SPATA18: variants seen among roughly 807,000 people sequenced by gnomAD.
SPATA18 encodes the protein mitochondria-eating protein.
Under a neutral mutation model 68.1 loss-of-function variants are expected in SPATA18, and 54 were observed. That is an observed-to-expected ratio of 0.79 (90% CI 0.64 to 0.99). The LOEUF (loss-of-function observed/expected upper bound fraction) is 0.99, where lower values mean the gene tolerates loss of function less well. Among genes scored for constraint, SPATA18 ranks in the 50% least tolerant of loss-of-function variants. The probability of loss-of-function intolerance (pLI) is 0.00; values close to 1 mark genes in which losing one functional copy is unlikely to be tolerated. For missense variants in SPATA18, 724 were observed against 681.1 expected (o/e 1.06, Z -0.70); for synonymous variants, 242 against 244.8 (o/e 0.99, Z 0.11).
At chr4:52,059,319 T>G (rs1263406746) in intron 1 of SPATA18, among the ~76,000 whole-genome samples, 5 of 152,242 alleles carry the variant, frequency 3.3e-5, no homozygotes, top group Admixed American at 3.3e-4. Context: ...GATGCCTTAT[T>G]GAGCCCTGAG....
intron 11 of SPATA18, among the ~76,000 whole-genome samples, chr4:52,085,375 A>G (rs1287544973): frequency 2.0e-5 from 3 of 152,214 alleles, no homozygotes; most frequent in Non-Finnish European, 4.4e-5. Context: ...ATGAGTTTAG[A>G]GAAATTACTC....
chr4:52,085,114 T>A (rs1741309535), intron 11 of SPATA18, 115 bp downstream of exon 11: 1 of 725,234 alleles, frequency 1.4e-6, no homozygotes, highest in Admixed American at 2.8e-5. Context: ...AAAGAGAACC[T>A]GTTGCAATAA....
chr4:52,082,572 T>C (rs764069586), intron 10 of SPATA18, 62 bp downstream of exon 10: 10 of 1,613,070 alleles, frequency 6.2e-6, no homozygotes, highest in East Asian at 2.2e-5. Context: ...TTCGAGAACA[T>C]TTATAAACCC....
chr4:52,094,194 A>G (rs576844640), intron 11 of SPATA18, among the ~76,000 whole-genome samples: 7 of 152,154 alleles, frequency 4.6e-5, no homozygotes, highest in Non-Finnish European at 8.8e-5. Flanking sequence ...TATGACTTAT[A>G]ATTTTTATAA....
At chr4:52,052,537 C>G (rs12507167) in intron 1 of SPATA18, among the ~76,000 whole-genome samples, 25 of 151,910 alleles carry the variant, frequency 1.6e-4, no homozygotes, top group Admixed American at 6.6e-4. Flanking sequence ...TCGGTCGGTC[C>G]GTCTTAAATA....
In SPATA18 at chr4:52,062,228, T is replaced by C; in HGVS notation, c.318T>C (p.Phe106=). 6.3e-7 allele frequency: 1 copy of C among 1,576,644 alleles called. No homozygotes were observed. Among genetic ancestry groups the C allele is most frequent in the Non-Finnish European group, 8.6e-7 (1 of 1,160,138 alleles). ...DSKVPSLQDT[F]DRERHKDPSP... ...TTGGTGTATCTTTCCAGGACACGTT[T>C]GATAGGGAGAGACATAAAGATCCCA... Residue 106 remains phenylalanine, a synonymous_variant, in exon 4 of 13, where the codon TTT becomes TTC. Coordinates refer to ENST00000295213, the MANE Select transcript of SPATA18 (RefSeq NM_145263.4).
At chr4:52,077,339 T>TGAA (rs1740474433) in intron 7 of SPATA18, among the ~76,000 whole-genome samples, 1 of 140,940 alleles carries the variant, frequency 7.1e-6, no homozygotes, top group African/African-American at 2.6e-5. Flanking sequence ...CCTCCCTTCC[T>TGAA]TTCTCTTTCC....
chr4:52,086,075 A>T (rs1560609127), intron 11 of SPATA18, among the ~76,000 whole-genome samples: 1 of 152,200 alleles, frequency 6.6e-6, no homozygotes, highest in Non-Finnish European at 1.5e-5. Context: ...AATAATAATT[A>T]TTTAAATATT....
chr4:52,055,948 G>C (rs1048201377), intron 1 of SPATA18, among the ~76,000 whole-genome samples: 1 of 152,168 alleles, frequency 6.6e-6, no homozygotes, highest in African/African-American at 2.4e-5. Flanking sequence ...AAAATTTCTT[G>C]AGAGTATAAA....
In SPATA18 at chr4:52,060,419, AC is replaced by A; in HGVS notation, c.89del (p.Thr30LysfsTer8). On this transcript the variant is annotated frameshift_variant and splice_region_variant, in exon 2 of 13. Transcript: ENST00000295213. LOFTEE classifies it high-confidence loss of function. The stretch of plus-strand genomic sequence containing the variant: ...GTTATCTACTGTTTTGCCCTTGCAG[AC>A]AAACACGTGTGATCAAAATCTAAAC... ...KLDFWLKEYN[T>X]NTCDQNLNHC... 2 of 1,613,838 alleles carry A rather than the reference AC, an allele frequency of 1.2e-6. No homozygotes were observed. Among genetic ancestry groups the A allele is most frequent in the South Asian group, 2.2e-5 (2 of 91,036 alleles).
chr4:52,076,551 G>T (rs369940705), intron 6 of SPATA18, among the ~76,000 whole-genome samples: 4 of 152,134 alleles, frequency 2.6e-5, no homozygotes, highest in Non-Finnish European at 5.9e-5. Flanking sequence ...TTTTAAGAAC[G>T]CATGCATTCT....
At chr4:52,089,318 T>C (rs896045912) in intron 11 of SPATA18, among the ~76,000 whole-genome samples, 9 of 152,222 alleles carry the variant, frequency 5.9e-5, no homozygotes, top group African/African-American at 2.2e-4. Context: ...ATTTCATGCC[T>C]TCTGCTAGCT....
Position 52,095,061 on chromosome 4 carries a change from A to G in SPATA18, c.*174A>G, listed in dbSNP as rs1742316857. The G allele has an allele frequency of 4.4e-6, 3 of 680,576 alleles. No individual in the cohort carries two copies. Among genetic ancestry groups the G allele is most frequent in the Non-Finnish European group, 7.7e-6 (3 of 392,128 alleles). 42.2% of individuals were successfully genotyped at this position (680,576 alleles called of 1,614,324 possible). On this transcript the variant is annotated 3_prime_UTR_variant, in exon 13 of 13. Coordinates refer to ENST00000295213, the MANE Select transcript of SPATA18 (RefSeq NM_145263.4). ...TTTGGCTTGGCGCATTTGTAACTTT[A>G]GATATATTGCATTCTATTTTATTTT...
rs564583054 is a variant in SPATA18, at chr4:52,079,233, T to G, written c.1179+340T>G. Among the ~76,000 whole-genome samples, 3 of 152,322 alleles carry G rather than the reference T, an allele frequency of 2.0e-5. No homozygotes were observed. The South Asian group carries it at 6.2e-4, about 32-fold the overall frequency. ...AGCTGTGTGATCTTACACATTTACT[T>G]AATCTCTGTATGCTTTAGTTTTCTA... On this transcript the variant is annotated intron_variant, in intron 8 of 12. Transcript: ENST00000295213.
intron 11 of SPATA18, among the ~76,000 whole-genome samples, chr4:52,089,659 T>C (rs1741762109): frequency 6.6e-6 from 1 of 152,050 alleles, no homozygotes; most frequent in South Asian, 2.1e-4. Flanking sequence ...TGTTTGTTAT[T>C]ATTTCCATAC....
At chr4:52,091,005 T>C (rs1024806452) in intron 11 of SPATA18, among the ~76,000 whole-genome samples, 1 of 152,018 alleles carries the variant, frequency 6.6e-6, no homozygotes, top group Non-Finnish European at 1.5e-5. Context: ...TTCTTTTTTC[T>C]CTAATCTTGT....
chr4:52,056,981 C>CT (rs1423496935), intron 1 of SPATA18, among the ~76,000 whole-genome samples: 3 of 152,106 alleles, frequency 2.0e-5, no homozygotes, highest in African/African-American at 7.2e-5. Flanking sequence ...GCTAATATGC[C>CT]TTGGTGCCTT....
chr4:52,095,111 A>C lies in SPATA18; in HGVS notation c.*224A>C, dbSNP rs542873467. On this transcript the variant is annotated 3_prime_UTR_variant, in exon 13 of 13. Transcript: ENST00000295213. ...TATAGATACTAATTCCATTAATTTCATAAAAATGATTGTATAGGCATTTAG... is the reference window on the plus strand; with the variant it reads ...TATAGATACTAATTCCATTAATTTCCTAAAAATGATTGTATAGGCATTTAG... 1.7e-6 allele frequency: 1 copy of C among 573,046 alleles called. No individual in the cohort carries two copies. Among genetic ancestry groups the C allele is most frequent in the African/African-American group, 1.9e-5 (1 of 53,346 alleles). 35.5% of individuals were successfully genotyped at this position (573,046 alleles called of 1,614,324 possible).
intron 11 of SPATA18, among the ~76,000 whole-genome samples, chr4:52,089,217 T>A (rs1741723198): frequency 1.3e-5 from 2 of 152,116 alleles, no homozygotes; most frequent in Admixed American, 6.5e-5. Context: ...ATTTTGCAGA[T>A]CTTTTTTAAA....
Sources: allele counts gnomAD v4.1 joint callset (sites outside exome capture counted in the v4.1 genomes callset), GRCh38; gene constraint gnomAD v4.1.1; transcripts MANE v1.5; gene names NCBI Gene and HGNC (gene_info 2026-07-23, HGNC 2026-07-21).